RDX: variants seen among roughly 807,000 people sequenced by gnomAD.
RDX encodes the protein deafness, autosomal recessive 24.
Under a neutral mutation model 83.7 loss-of-function variants are expected in RDX, and 32 were observed. The ratio of observed to expected loss-of-function variants is 0.38; its 90% confidence interval spans 0.29 to 0.51. The LOEUF (loss-of-function observed/expected upper bound fraction) is 0.51, where lower values mean the gene tolerates loss of function less well. Among genes scored for constraint, RDX ranks in the 20% least tolerant of loss-of-function variants. RDX has a pLI of 0.87. For synonymous variants in RDX, 229 were observed against 222.7 expected, an observed-to-expected ratio of 1.03 and a Z score of -0.25; for missense variants, 600 against 689.9, an observed-to-expected ratio of 0.87 and a Z score of 1.46.
At position 110,264,172 on chromosome 11, in the gene RDX, A is replaced by G; in HGVS notation, c.255T>C (p.Phe85=). ...TTAATTCCTCAGAAACATCTTCAGG[A>G]AAGAATTTAGCTCTAAACTTGAACT... ...PLQFKFRAKF[F]PEDVSEELIQ... The change falls in exon 5 of 14, where the codon TTT becomes TTC. Residue 85 remains phenylalanine, a synonymous_variant. Transcript: ENST00000645495. 1.9e-6 allele frequency: 3 copies of G among 1,611,686 alleles called. No individual in the cohort carries two copies. Among genetic ancestry groups the G allele is most frequent in the Admixed American group, 1.7e-5 (1 of 59,986 alleles).
rs757837151 is a variant in RDX, at chr11:110,231,036, A to G, written c.*833T>C. The G allele has an allele frequency of 6.6e-6, 1 of 152,604 alleles. No homozygotes were observed. Among genetic ancestry groups the G allele is most frequent in the Non-Finnish European group, 1.5e-5 (1 of 68,020 alleles). The allele number at this position is 152,604 out of a possible 1,614,324, so 9.5% of individuals were successfully genotyped here. On this transcript the variant is annotated 3_prime_UTR_variant, in exon 14 of 14. Coordinates refer to ENST00000645495, the MANE Select transcript of RDX (RefSeq NM_002906.4). ...ATCATTTGTTTTTCTAAATCAGTCT[A>G]TAAAAGAACAAAACTTTTAAAATCT... is the stretch of plus-strand genomic sequence containing the variant.
At chr11:110,238,697 G>T (rs7107186) in intron 10 of RDX, among the ~76,000 whole-genome samples, 2,759 of 152,172 alleles carry the variant, frequency 0.018, 70 homozygotes, top group African/African-American at 0.061. Flanking sequence ...ACTGAGGTGG[G>T]TGGATCATTT....
chr11:110,280,214 T>C (rs1005308509), intron 1 of RDX, among the ~76,000 whole-genome samples: 2 of 152,166 alleles, frequency 1.3e-5, no homozygotes, highest in Non-Finnish European at 2.9e-5. Context: ...CTGATTAATG[T>C]AATCTACAAA....
chr11:110,295,242 GCAA>G (rs1861397987), intron 1 of RDX, among the ~76,000 whole-genome samples: 1 of 147,168 alleles, frequency 6.8e-6, no homozygotes, highest in Non-Finnish European at 1.5e-5. Context: ...TATTTATCCA[GCAA>G]CATGAACGGG....
chr11:110,280,236 A>G (rs958392101), intron 1 of RDX, among the ~76,000 whole-genome samples: 1 of 152,170 alleles, frequency 6.6e-6, no homozygotes, highest in Non-Finnish European at 1.5e-5. Context: ...AAATGGAAGA[A>G]ACTAATTTTT....
chr11:110,216,987 C>T (rs1864077751), intron 14 of RDX, among the ~76,000 whole-genome samples: 1 of 152,200 alleles, frequency 6.6e-6, no homozygotes, highest in Non-Finnish European at 1.5e-5. Flanking sequence ...TGATGCCCTC[C>T]CTCTTCCTCA....
intron 15 of RDX, among the ~76,000 whole-genome samples, chr11:110,193,515 TA>T (rs373391852): frequency 0.042 from 6,229 of 149,632 alleles, 427 homozygotes; most frequent in African/African-American, 0.15. Flanking sequence ...ACCCTACATC[TA>T]AAATAAATCT....
chr11:110,275,439 GGAT>G (rs913740968), intron 2 of RDX, among the ~76,000 whole-genome samples: 3 of 151,992 alleles, frequency 2.0e-5, no homozygotes, highest in African/African-American at 7.3e-5. Context: ...TAAAACTGTG[GGAT>G]AATACATGGG....
rs1046039859 is a variant in RDX at position 110,251,973 on chromosome 11, A to G, written c.959+1973T>C. ...CATACCTCTGGGCATTCTCCCAGGT[A>G]TATCTGCTGGCTACTTTGCCAATGG... is the stretch of plus-strand genomic sequence containing the variant. On this transcript the variant is annotated intron_variant, in intron 9 of 13. Transcript: ENST00000645495. 5.3e-5 allele frequency among the ~76,000 whole-genome samples: 8 copies of G among 152,164 alleles called. No individual in the cohort carries two copies. In the South Asian group the frequency reaches 6.2e-4, roughly 12 times the overall value.
At chr11:110,273,642 C>T (rs1162312101) in intron 2 of RDX, among the ~76,000 whole-genome samples, 2 of 152,218 alleles carry the variant, frequency 1.3e-5, no homozygotes, top group African/African-American at 2.4e-5. Context: ...AAACTTAACA[C>T]GCCTTACCAA....
At chr11:110,192,265 T>C (rs958390892) in intron 15 of RDX, among the ~76,000 whole-genome samples, 1 of 152,128 alleles carries the variant, frequency 6.6e-6, no homozygotes, top group African/African-American at 2.4e-5. Context: ...TTGACAAAGT[T>C]GACAAAAATA....
chr11:110,216,145 T>C (rs1175764408), intron 14 of RDX, among the ~76,000 whole-genome samples: 2 of 152,190 alleles, frequency 1.3e-5, no homozygotes, highest in African/African-American at 4.8e-5. Context: ...GCTCCTGTGA[T>C]CTGGCTGTTC....
chr11:110,283,051 T>C (rs1860829038), intron 1 of RDX, among the ~76,000 whole-genome samples: 1 of 152,146 alleles, frequency 6.6e-6, no homozygotes, highest in South Asian at 2.1e-4. Flanking sequence ...AAGGAATGAA[T>C]GAAAAGACCA....
chr11:110,218,580 C>T (rs1864138969), intron 14 of RDX, among the ~76,000 whole-genome samples: 1 of 152,210 alleles, frequency 6.6e-6, no homozygotes, highest in South Asian at 2.1e-4. Context: ...ATGTCACAGG[C>T]ACACCCAAAC....
intron 7 of RDX, among the ~76,000 whole-genome samples, chr11:110,256,731 A>C (rs1405948445): frequency 1.3e-5 from 2 of 152,192 alleles, no homozygotes; most frequent in Admixed American, 6.5e-5. Context: ...AAAAAGATTC[A>C]GTTTACAAAA....
intron 3 of RDX, among the ~76,000 whole-genome samples, chr11:110,267,653 T>C (rs1860111784): frequency 6.6e-6 from 1 of 150,798 alleles, no homozygotes. Context: ...AAATTTTCAC[T>C]GAAATGACAG....
chr11:110,244,629 T>C (rs1217298593), intron 10 of RDX, among the ~76,000 whole-genome samples: 1 of 152,160 alleles, frequency 6.6e-6, no homozygotes, highest in Non-Finnish European at 1.5e-5. Context: ...GAAAATGTTC[T>C]AAAATTTATT....
intron 10 of RDX, among the ~76,000 whole-genome samples, chr11:110,246,152 T>G (rs1859097529): frequency 6.6e-6 from 1 of 152,126 alleles, no homozygotes; most frequent in Non-Finnish European, 1.5e-5. Context: ...TGCCTCAACC[T>G]CCTAAAGTGC....
intron 10 of RDX, among the ~76,000 whole-genome samples, chr11:110,245,678 T>C (rs1226209835): frequency 6.6e-6 from 1 of 152,210 alleles, no homozygotes; most frequent in Non-Finnish European, 1.5e-5. Context: ...CCTTTCCTTG[T>C]AGCACTTAAA....
Sources: allele counts gnomAD v4.1 joint callset (sites outside exome capture counted in the v4.1 genomes callset), GRCh38; gene constraint gnomAD v4.1.1; transcripts MANE v1.5; gene names NCBI Gene and HGNC (gene_info 2026-07-23, HGNC 2026-07-21).